Variants in NTRK1 observed in about 807,000 individuals in gnomAD.
NTRK1 encodes neurotrophic receptor tyrosine kinase 1, also known as high affinity nerve growth factor receptor.
NTRK1 carries 62 observed loss-of-function variants against 86.8 expected under a neutral mutation model. The observed-to-expected ratio is 0.71, with a 90% CI of 0.58 to 0.88. The LOEUF (loss-of-function observed/expected upper bound fraction) is 0.88, where lower values mean the gene tolerates loss of function less well. NTRK1 is among the 40% of genes least tolerant of loss of function. The probability of loss-of-function intolerance (pLI) is 0.00; values close to 1 mark genes in which losing one functional copy is unlikely to be tolerated. For synonymous variants in NTRK1, 469 were observed against 456.6 expected (o/e 1.03, Z -0.35); for missense variants, 967 against 1,078.4 (o/e 0.90, Z 1.45).
Position 156,850,534 on chromosome 1 carries a change from CTTTTTTTTTTTTTT to C in NTRK1, c.50+8359_50+8372del, listed in dbSNP as rs35237064. ...GACCTGGATGGTAATTTAAAACATT[CTTTTTTTTTTTTTT>C]TTTTTTTTTTTTTTTTTGAGATGGA... On this transcript the variant is annotated intron_variant, in intron 2 of 16. Transcript: ENST00000392302. Among the ~76,000 whole-genome samples, 115 of 58,644 alleles carry C rather than the reference CTTTTTTTTTTTTTT, an allele frequency of 2.0e-3. 1 individual carries two copies. Among genetic ancestry groups the C allele is most frequent in the East Asian group, 0.01 (19 of 1,840 alleles). 38.5% of individuals were successfully genotyped at this position (58,644 alleles called of 152,430 possible). A position where few individuals can be genotyped will look rare whatever the true frequency, so the allele number is the denominator to read the frequency against.
upstream of NTRK1, chr1:156,858,642 T>A: frequency 6.2e-7 from 1 of 1,608,392 alleles, no homozygotes; most frequent in Non-Finnish European, 8.5e-7. Context: ...CTGGCTTGTG[T>A]CCAGTCCCGG....
At position 156,881,569 on chromosome 1, in the gene NTRK1, G is replaced by C. The variant is rs2102931242; in HGVS notation, c.2318G>C (p.Ser773Thr). 6.2e-7 allele frequency: 1 copy of C among 1,611,612 alleles called. No homozygotes were observed. Among genetic ancestry groups the C allele is most frequent in the African/African-American group, 1.3e-5 (1 of 75,026 alleles). ...CWQREPQQRH[S>T]IKDVHARLQA... ...CAGCGGGAGCCCCAGCAACGCCACAGCATCAAGGATGTGCACGCCCGGCTG... is the reference window on the plus strand; with the variant it reads ...CAGCGGGAGCCCCAGCAACGCCACACCATCAAGGATGTGCACGCCCGGCTG... Residue 773 changes from serine (S) to threonine (T), a missense_variant, in exon 17 of 17, where the codon AGC (serine) becomes ACC (threonine). Ser to Thr is a moderately conservative substitution (Grantham distance 58, BLOSUM62 1). Coordinates refer to ENST00000524377, the MANE Select transcript of NTRK1 (RefSeq NM_002529.4).
chr1:156,849,516 A>AG, intron 2 of NTRK1: 1 of 851,606 alleles, frequency 1.2e-6, no homozygotes. Context: ...GGGGTGGGAA[A>AG]GGGGATGGCT....
Position 156,875,601 on chromosome 1 carries a change from C to T in NTRK1, c.1436C>T (p.Thr479Ile), listed in dbSNP as rs2102915587. The change falls in exon 12 of 17, where the codon ACC (threonine) becomes ATC (isoleucine). Residue 479 changes from threonine to isoleucine, a missense_variant. By Grantham distance (89) the Thr-to-Ile change is moderately conservative. Around this residue, in one of 2 missense-constraint regions of NTRK1, gnomAD observed 637 missense variants for 776.5 expected, o/e 0.82. Coordinates refer to ENST00000524377, the MANE Select transcript of NTRK1 (RefSeq NM_002529.4). ...MTLGGSSLSP[T>I]EGKGSGLQGH... Reference sequence around the variant, plus strand: ...TTGGGTGGCAGCTCCCTGTCCCCCACCGAGGGCAAAGGCTCTGGGCTCCAA... The same window carrying T: ...TTGGGTGGCAGCTCCCTGTCCCCCATCGAGGGCAAAGGCTCTGGGCTCCAA... 1 of 1,613,924 alleles carries T rather than the reference C, an allele frequency of 6.2e-7. No individual in the cohort carries two copies. The highest frequency in any genetic ancestry group is 1.6e-4 in the Middle Eastern group (1 of 6,062).
At chr1:156,855,782 G>A (rs1461659208) in intron 2 of NTRK1, among the ~76,000 whole-genome samples, 2 of 152,052 alleles carry the variant, frequency 1.3e-5, no homozygotes, top group African/African-American at 2.4e-5. Flanking sequence ...CCGTGATCAC[G>A]CCACTGCACT....
At chr1:156,855,176 T>TTATCTATCTATCTACC (rs1655364057) in intron 2 of NTRK1, among the ~76,000 whole-genome samples, 1 of 143,580 alleles carries the variant, frequency 7.0e-6, no homozygotes, top group East Asian at 2.1e-4. Context: ...CCATCCAATT[T>TTATCTATCTATCTACC]TATCTATCTA....
At chr1:156,846,107 G>A (rs1187187015) in intron 2 of NTRK1, 6 of 1,601,224 alleles carry the variant, frequency 3.7e-6, no homozygotes, top group African/African-American at 1.3e-5. Flanking sequence ...GACGTCTTGG[G>A]GCACCGTGGG....
chr1:156,841,112 G>A lies in NTRK1; in HGVS notation c.-63-969G>A, dbSNP rs762070981. ...CGGCTCATCAGCTCCTGCCTGGTGG[G>A]TGTGGGGAGCAGGGTCAGAGGCATC... On this transcript the variant is annotated intron_variant, in intron 1 of 16. Transcript: ENST00000392302. 9.7e-6 allele frequency: 15 copies of A among 1,553,626 alleles called. No individual in the cohort carries two copies. In the African/African-American group the frequency reaches 1.9e-4, roughly 20 times the overall value.
intron 1 of NTRK1, chr1:156,841,899 C>A: frequency 1.3e-6 from 2 of 1,590,958 alleles, no homozygotes; most frequent in Non-Finnish European, 1.7e-6. Context: ...CCAGAGTCAC[C>A]AAGAACCCTG....
At chr1:156,841,024 T>C (rs761211872) in intron 1 of NTRK1, 1 of 1,605,188 alleles carries the variant, frequency 6.2e-7, no homozygotes. Context: ...CCGCAGCTCC[T>C]CCTGTATGCT....
chr1:156,845,614 C>T, intron 2 of NTRK1: 2 of 1,531,852 alleles, frequency 1.3e-6, no homozygotes, highest in South Asian at 1.1e-5. Flanking sequence ...GCGCGCTCTT[C>T]GCACATGGGG....
At chr1:156,861,300 C>T (rs932198831) in intron 1 of NTRK1, among the ~76,000 whole-genome samples, 154 bp downstream of exon 1, 2 of 125,556 alleles carry the variant, frequency 1.6e-5, no homozygotes, top group African/African-American at 9.2e-5. Context: ...GGCGTTCCTC[C>T]GCAGCCGCCG....
rs1647275742 is a variant in NTRK1, at chr1:156,868,110, G to A, written c.435G>A (p.Leu145=). ...TGTCCCCCATGCCCCCCAGGGTCCT[G>A]TCGGGGAACCCTCTGCACTGTTCTT... ...VQGLSLQELV[L]SGNPLHCSCA... Residue 145 remains leucine (L), a synonymous_variant, in exon 5 of 17, where the codon CTG becomes CTA. Coordinates refer to ENST00000524377, the MANE Select transcript of NTRK1 (RefSeq NM_002529.4). The A allele has an allele frequency of 1.2e-6, 2 of 1,613,874 alleles. No individual in the cohort carries two copies. The highest frequency in any genetic ancestry group is 1.7e-6 in the Non-Finnish European group (2 of 1,180,034).
At chr1:156,869,999 AG>A (rs1647458241) in intron 6 of NTRK1, among the ~76,000 whole-genome samples, 1 of 152,198 alleles carries the variant, frequency 6.6e-6, no homozygotes, top group African/African-American at 2.4e-5. Flanking sequence ...AACCATGTTG[AG>A]GGAGATGCCA....
chr1:156,820,703 G>A lies in NTRK1; in HGVS notation c.-64+4865G>A, dbSNP rs1334526724. Among the ~76,000 whole-genome samples the A allele has an allele frequency of 3.9e-5, 6 of 152,282 alleles. No individual in the cohort carries two copies. The East Asian group carries it at 1.2e-3, about 29-fold the overall frequency. ...TAACTATAGCCTTGTAGTTTAATTC[G>A]AAGTTGGATAATGTGATGCCTCCAG... On this transcript the variant is annotated intron_variant, in intron 1 of 16. Coordinates refer to the NTRK1 transcript ENST00000392302.
At chr1:156,845,383 C>T (rs545021292) in intron 2 of NTRK1, 8 of 1,571,690 alleles carry the variant, frequency 5.1e-6, no homozygotes, top group East Asian at 2.3e-5. Flanking sequence ...TTTGGGGGCT[C>T]TTGTTGATGG....
At chr1:156,816,494 A>C (rs993501546) in intron 1 of NTRK1, among the ~76,000 whole-genome samples, 2 of 152,174 alleles carry the variant, frequency 1.3e-5, no homozygotes, top group Non-Finnish European at 1.5e-5. Context: ...CTTTATCCTC[A>C]GGGATGAGTG....
At position 156,839,690 on chromosome 1, in the gene NTRK1, A is replaced by G. The variant is rs569407770; in HGVS notation, c.-63-2391A>G. 1.8e-4 allele frequency among the ~76,000 whole-genome samples: 27 copies of G among 152,274 alleles called. No homozygotes were observed. In the East Asian group the frequency reaches 5.2e-3, roughly 29 times the overall value. ...CCTCTCCCTTGCCCCATGTCTGCCC[A>G]CTTAAAGTCTGTCCTATGACACTCC... On this transcript the variant is annotated intron_variant, in intron 1 of 16. Coordinates refer to the NTRK1 transcript ENST00000392302.
rs768816866 is a variant in NTRK1, at chr1:156,851,993, C to T, written c.50+9800C>T. Reference sequence around the variant, plus strand: ...GGGCACAGAGTGCAGGCTGGCACAGCGCTCAGCTGTGACACAGCGCCAGGA... The same window carrying T: ...GGGCACAGAGTGCAGGCTGGCACAGTGCTCAGCTGTGACACAGCGCCAGGA... On this transcript the variant is annotated intron_variant, in intron 2 of 16. Coordinates refer to the NTRK1 transcript ENST00000392302. 47 of 1,611,656 alleles carry T rather than the reference C, an allele frequency of 2.9e-5. No individual in the cohort carries two copies. Among genetic ancestry groups the T allele is most frequent in the Middle Eastern group, 3.3e-4 (2 of 6,074 alleles).
Sources: allele counts gnomAD v4.1 joint callset (sites outside exome capture counted in the v4.1 genomes callset), GRCh38; gene constraint gnomAD v4.1.1; regional missense constraint gnomAD v4.1.1; transcripts MANE v1.5; gene names NCBI Gene and HGNC (gene_info 2026-07-23, HGNC 2026-07-21).